Variants in MYLK4 observed in about 807,000 individuals in gnomAD.
MYLK4 encodes myosin light chain kinase family member 4, also known as caMLCK like.
In MYLK4, 46 loss-of-function variants were observed where a neutral mutation model predicts 48.1. The ratio of observed to expected loss-of-function variants is 0.96; its 90% confidence interval spans 0.75 to 1.22. The LOEUF is 1.22. MYLK4 is among the 50% of genes most tolerant of loss of function. MYLK4 has a pLI of 0.00. For missense variants in MYLK4, 451 were observed against 486.1 expected (o/e 0.93, Z 0.68); for synonymous variants, 170 against 180.8 (o/e 0.94, Z 0.48).
At chr6:2,762,234 A>T in the MYLK4 span, among the ~76,000 whole-genome samples, 13 of 152,290 alleles carry the variant, frequency 8.5e-5, no homozygotes, top group African/African-American at 1.7e-4. Context: ...CCCATAGTAC[A>T]CAAGTTTCCC....
intron 2 of MYLK4, among the ~76,000 whole-genome samples, chr6:2,694,771 A>C (rs1222914561): frequency 6.6e-6 from 1 of 152,052 alleles, no homozygotes; most frequent in South Asian, 2.1e-4. Context: ...GATAGATACT[A>C]TTAGCCCCAT....
At chr6:2,765,875 AC>A in the MYLK4 span, 1 of 1,445,304 alleles carries the variant, frequency 6.9e-7, no homozygotes, top group Non-Finnish European at 9.1e-7. Context: ...GCAGCCAGCC[AC>A]CCCGACGGCA....
chr6:2,727,419 C>T (rs563792397), intron 2 of MYLK4, among the ~76,000 whole-genome samples: 2 of 152,264 alleles, frequency 1.3e-5, no homozygotes, highest in South Asian at 4.1e-4. Context: ...AAAAACTCTG[C>T]CTTCTCCTCT....
chr6:2,732,288 C>T (rs994358266), intron 2 of MYLK4, among the ~76,000 whole-genome samples: 1 of 152,154 alleles, frequency 6.6e-6, no homozygotes, highest in African/African-American at 2.4e-5. Context: ...TATATATTTA[C>T]CTGCACAGCA....
At chr6:2,730,081 C>T (rs1236607776) in intron 2 of MYLK4, among the ~76,000 whole-genome samples, 3 of 152,232 alleles carry the variant, frequency 2.0e-5, no homozygotes, top group Non-Finnish European at 4.4e-5. Flanking sequence ...CTAAGAACAG[C>T]GTGCTGGGGA....
intron 8 of MYLK4, 128 bp from the exon 9 acceptor site, chr6:2,679,536 G>A: frequency 8.2e-7 from 1 of 1,218,546 alleles, no homozygotes; most frequent in Non-Finnish European, 1.2e-6. Flanking sequence ...AAACATTGAA[G>A]GAAATCAAAC....
rs778408302 is a variant in MYLK4, at chr6:2,749,257, C to T, written c.38G>A (p.Cys13Tyr). The change falls in exon 2 of 13, where the codon TGT (cysteine) becomes TAT (tyrosine). Residue 13 changes from cysteine (C) to tyrosine (Y), a missense_variant. Cys to Tyr is a radical substitution (Grantham distance 194, BLOSUM62 -2). Transcript: ENST00000274643. ...KVKRLEEFNT[C>Y]YNSNQLEKMA... ...TTTCTCCAGCTGGTTGCTGTTATAA[C>T]ACGTGTTGAATTCTTCCAGCCTCTT... 67 of 1,613,962 alleles carry T rather than the reference C, an allele frequency of 4.2e-5. 1 individual carries two copies. The South Asian group carries it at 6.9e-4, about 17-fold the overall frequency.
At chr6:2,766,169 G>A in the MYLK4 span, 2 of 1,342,238 alleles carry the variant, frequency 1.5e-6, no homozygotes, top group African/African-American at 1.5e-5. Context: ...CGCGGACGGC[G>A]AGGACGACCC....
At chr6:2,746,348 T>C (rs538754182) in intron 2 of MYLK4, among the ~76,000 whole-genome samples, 18 of 151,942 alleles carry the variant, frequency 1.2e-4, no homozygotes, top group African/African-American at 4.1e-4. Flanking sequence ...AAAAGAAGGC[T>C]ATGAAGTGTT....
Position 2,691,239 on chromosome 6 carries a change from T to C in MYLK4, c.235+1545A>G, listed in dbSNP as rs529179033. ...ACCTTACTGAACACATCTGGCAGTGTTGAAGTTTCTTTCTTAGCAATCATT... is the reference window on the plus strand; with the variant it reads ...ACCTTACTGAACACATCTGGCAGTGCTGAAGTTTCTTTCTTAGCAATCATT... On this transcript the variant is annotated intron_variant, in intron 3 of 12. Transcript: ENST00000274643. Among the ~76,000 whole-genome samples the C allele has an allele frequency of 2.1e-3, 324 of 152,352 alleles. 1 individual carries two copies. The highest frequency in any genetic ancestry group is 3.9e-3 in the Non-Finnish European group (265 of 68,032).
At chr6:2,722,275 G>C (rs769065141) in intron 2 of MYLK4, among the ~76,000 whole-genome samples, 1 of 152,216 alleles carries the variant, frequency 6.6e-6, no homozygotes, top group African/African-American at 2.4e-5. Flanking sequence ...GTGTGGTTTA[G>C]AGTATGAGAT....
chr6:2,701,249 G>A (rs1186794114), intron 2 of MYLK4, among the ~76,000 whole-genome samples: 1 of 152,088 alleles, frequency 6.6e-6, no homozygotes, highest in Non-Finnish European at 1.5e-5. Flanking sequence ...GGGGTTCTCG[G>A]TATGCTTTTT....
intron 2 of MYLK4, among the ~76,000 whole-genome samples, chr6:2,740,603 T>G (rs1763868078): frequency 6.6e-6 from 1 of 152,158 alleles, no homozygotes; most frequent in African/African-American, 2.4e-5. Context: ...TTCATACTCC[T>G]CCAGCCCCCA....
chr6:2,669,281 C>T (rs905141193), intron 12 of MYLK4, among the ~76,000 whole-genome samples: 1 of 152,198 alleles, frequency 6.6e-6, no homozygotes, highest in Non-Finnish European at 1.5e-5. Context: ...TCCAGCTGCC[C>T]CAGCGTGGCC....
chr6:2,706,001 C>A (rs1762473397), intron 2 of MYLK4, among the ~76,000 whole-genome samples: 1 of 151,458 alleles, frequency 6.6e-6, no homozygotes, highest in Non-Finnish European at 1.5e-5. Context: ...CACCTAGTTA[C>A]AGGAAATTTT....
intron 4 of MYLK4, among the ~76,000 whole-genome samples, chr6:2,686,681 G>A (rs879561257): frequency 6.6e-6 from 1 of 152,178 alleles, no homozygotes; most frequent in Admixed American, 6.5e-5. Context: ...AGATGCAGGG[G>A]CACTGGCGGC....
the MYLK4 span, among the ~76,000 whole-genome samples, chr6:2,757,494 C>T: frequency 6.6e-6 from 1 of 151,736 alleles, no homozygotes; most frequent in Non-Finnish European, 1.5e-5. Flanking sequence ...CTCAAAGAAA[C>T]AGAGTAGTAC....
intron 2 of MYLK4, among the ~76,000 whole-genome samples, chr6:2,710,652 C>T (rs894967239): frequency 6.6e-6 from 1 of 150,762 alleles, no homozygotes; most frequent in Non-Finnish European, 1.5e-5. Flanking sequence ...AACAGATCTC[C>T]CATCTCCTTG....
intron 3 of MYLK4, among the ~76,000 whole-genome samples, chr6:2,689,700 A>G (rs530776796): frequency 3.2e-4 from 49 of 152,242 alleles, no homozygotes; most frequent in Non-Finnish European, 5.9e-4. Flanking sequence ...GCTTGCCATG[A>G]ACCTGCTCAT....
Sources: gnomAD v4.1 joint callset for allele counts (sites outside exome capture counted in the v4.1 genomes callset) on GRCh38, gnomAD v4.1.1 for gene constraint, MANE v1.5 for transcripts, NCBI Gene and HGNC (gene_info 2026-07-23, HGNC 2026-07-21) for gene names.